LAMC3: variants seen among roughly 807,000 people sequenced by gnomAD.
The protein encoded by LAMC3 is laminin subunit gamma 3.
Under a neutral mutation model 173.8 loss-of-function variants are expected in LAMC3, and 128 were observed. The observed-to-expected ratio is 0.74, with a 90% confidence interval of 0.64 to 0.85. The LOEUF (loss-of-function observed/expected upper bound fraction) is 0.85. Among genes scored for constraint, LAMC3 ranks in the 40% least tolerant of loss-of-function variants. The pLI is 0.00. For synonymous variants in LAMC3, 897 were observed against 909.1 expected, an observed-to-expected ratio of 0.99 and a Z score of 0.24; for missense variants, 2,022 against 2,156.0, an observed-to-expected ratio of 0.94 and a Z score of 1.23.
At position 131,067,118 on chromosome 9, in the gene LAMC3, C is replaced by A; in HGVS notation, c.2506C>A (p.His836Asn). 6.2e-7 allele frequency: 1 copy of A among 1,614,194 alleles called. No individual in the cohort carries two copies. The highest frequency in any genetic ancestry group is 8.5e-7 in the Non-Finnish European group (1 of 1,180,032). ...GTCTGGCCACTGCCTGCGCTGCCTG[C>A]ACAACACCACGGGTGACCACTGTGA... ...PLSGHCLRCL[H>N]NTTGDHCEHC... Residue 836 changes from histidine to asparagine, a missense_variant, in exon 14 of 28, where the codon CAC (histidine) becomes AAC (asparagine). By Grantham distance (68) the His-to-Asn change is moderately conservative. Transcript: ENST00000361069.
intron 8 of LAMC3, among the ~76,000 whole-genome samples, chr9:131,047,559 A>G (rs1012145679): frequency 6.8e-6 from 1 of 147,494 alleles, no homozygotes; most frequent in African/African-American, 2.5e-5. Flanking sequence ...TGTCTTAGAA[A>G]TGGAAACTGT....
In LAMC3 at chr9:131,067,223, G is replaced by C. The variant is rs564496565; in HGVS notation, c.2593+18G>C. 29 of 1,612,390 alleles carry C rather than the reference G, an allele frequency of 1.8e-5. No individual in the cohort carries two copies. The African/African-American group carries it at 3.7e-4, about 21-fold the overall frequency. On this transcript the variant is annotated intron_variant, in intron 14 of 27. Coordinates refer to ENST00000361069, the MANE Select transcript of LAMC3 (RefSeq NM_006059.4). ...ATGCATGCGTGAGTACCTACCTCCA[G>C]ACCCCAGGGTGGCACATGGTGGGCC... is the stretch of plus-strand genomic sequence containing the variant.
rs776536505 is a variant in LAMC3 at position 131,061,234 on chromosome 9, C to A, written c.2347+11C>A. On this transcript the variant is annotated intron_variant, in intron 13 of 27. Transcript: ENST00000361069. Reference sequence around the variant, plus strand: ...CCCCGGGCCAGAGAGGTAAGTGACTCCTGCCCCGGAGCCCTGCCCCGCAGA... The same window carrying A: ...CCCCGGGCCAGAGAGGTAAGTGACTACTGCCCCGGAGCCCTGCCCCGCAGA... 6.3e-7 allele frequency: 1 copy of A among 1,599,340 alleles called. No individual in the cohort carries two copies. Among genetic ancestry groups the A allele is most frequent in the Non-Finnish European group, 8.5e-7 (1 of 1,176,410 alleles).
In LAMC3 at chr9:131,087,594, G is replaced by A. The variant is rs201826478; in HGVS notation, c.4349G>A (p.Arg1450His). Residue 1450 changes from arginine to histidine, a missense_variant, in exon 26 of 28, where the codon CGC (arginine) becomes CAC (histidine). Coordinates refer to ENST00000361069, the MANE Select transcript of LAMC3 (RefSeq NM_006059.4). Reference sequence around the variant, plus strand: ...CAGCAGGTGCTGGCGTCTGAAGCACGCAGACAGGAGCTGGAGGAAGCTGAG... The same window carrying A: ...CAGCAGGTGCTGGCGTCTGAAGCACACAGACAGGAGCTGGAGGAAGCTGAG... ...ASQQVLASEA[R>H]RQELEEAERV... The A allele has an allele frequency of 6.2e-5, 100 of 1,613,862 alleles. No homozygotes were observed. The highest frequency in any genetic ancestry group is 7.8e-5 in the Non-Finnish European group (92 of 1,180,028).
rs76399540 is a variant in LAMC3 at position 131,072,396 on chromosome 9, C to T, written c.3212-234C>T. On this transcript the variant is annotated intron_variant, in intron 18 of 27. Transcript: ENST00000361069. ...GGCTCCAGAAGGCCTGGGTCTCTCC[C>T]GGTCCCTGTGTATGACTGACTTGCT... is the stretch of plus-strand genomic sequence containing the variant. Among the ~76,000 whole-genome samples the T allele has an allele frequency of 4.8e-3, 732 of 152,264 alleles. 3 individuals are homozygous for T. The highest frequency in any genetic ancestry group is 8.9e-3 in the Non-Finnish European group (605 of 68,028).
chr9:131,033,363 C>A (rs1450082590), intron 3 of LAMC3, among the ~76,000 whole-genome samples: 2 of 152,190 alleles, frequency 1.3e-5, no homozygotes, highest in Non-Finnish European at 2.9e-5. Flanking sequence ...AACACATCAG[C>A]CCGCTCCAGG....
Position 131,009,254 on chromosome 9 carries a change from G to A in LAMC3, c.40G>A (p.Ala14Thr), listed in dbSNP as rs1173077356. 7.7e-7 allele frequency: 1 copy of A among 1,294,770 alleles called. No homozygotes were observed. The highest frequency in any genetic ancestry group is 9.7e-7 in the Non-Finnish European group (1 of 1,026,430). 80.2% of individuals were successfully genotyped at this position (1,294,770 alleles called of 1,614,324 possible). The stretch of plus-strand genomic sequence containing the variant: ...GCTTCTGCTGGGGCTGGCGCTGCTG[G>A]CACCGCGGGCGGCCGGCGCGGGCAT... ...AALLLGLALL[A>T]PRAAGAGMGA... is the part of the protein sequence containing the mutation. The change falls in exon 1 of 28, where the codon GCA becomes ACA. Residue 14 changes from alanine to threonine, a missense_variant. Ala to Thr is a moderately conservative substitution (Grantham distance 58, BLOSUM62 0). Coordinates refer to ENST00000361069, the MANE Select transcript of LAMC3 (RefSeq NM_006059.4). The surrounding 1 kb of genome is among the most constrained non-coding windows in gnomAD (Gnocchi z 4.3).
intron 25 of LAMC3, 106 bp downstream of exon 25, chr9:131,085,829 C>T: frequency 9.2e-7 from 1 of 1,086,572 alleles, no homozygotes; most frequent in South Asian, 1.3e-5. Flanking sequence ...CACTCACTCA[C>T]TGCTCAGTGG....
intron 1 of LAMC3, chr9:131,021,235 G>C (rs1030136741): frequency 1.3e-5 from 2 of 152,202 alleles, no homozygotes; most frequent in Non-Finnish European, 2.9e-5. Context: ...AAAGCACAGG[G>C]ACGCTGTTTT....
chr9:131,045,489 G>T (rs1383076550), intron 7 of LAMC3, 35 bp from the exon 8 acceptor site: 2 of 1,612,080 alleles, frequency 1.2e-6, no homozygotes, highest in Admixed American at 1.7e-5. Context: ...GCTGATTCAC[G>T]TGGCCCTCGT....
At chr9:131,086,747 G>A (rs539413913) in intron 25 of LAMC3, among the ~76,000 whole-genome samples, 26 of 151,680 alleles carry the variant, frequency 1.7e-4, no homozygotes, top group Admixed American at 1.1e-3. Flanking sequence ...AAAATTAGCC[G>A]GGCATGGTGG....
chr9:131,025,060 CCTT>C (rs1299545680), intron 1 of LAMC3, among the ~76,000 whole-genome samples: 1 of 152,074 alleles, frequency 6.6e-6, no homozygotes, highest in Non-Finnish European at 1.5e-5. Flanking sequence ...GGCTGTACTT[CCTT>C]CTTATTATTG....
At chr9:131,079,421 G>A (rs374442868) in intron 23 of LAMC3, 123 bp downstream of exon 23, 2 of 1,202,480 alleles carry the variant, frequency 1.7e-6, no homozygotes. Flanking sequence ...CCGGCCGGGT[G>A]TAGTGGCTCA....
At chr9:131,078,494 CA>C (rs111931431) in intron 22 of LAMC3, among the ~76,000 whole-genome samples, 21,275 of 151,992 alleles carry the variant, frequency 0.14, 1,628 homozygotes, top group South Asian at 0.2. Flanking sequence ...CAAAACAAAA[CA>C]AAACAAAACA....
At chr9:131,039,294 C>T (rs1279054261) in intron 6 of LAMC3, 46 bp downstream of exon 6, 1 of 1,500,256 alleles carries the variant, frequency 6.7e-7, no homozygotes, top group Non-Finnish European at 9.2e-7. Flanking sequence ...CACTGAATGA[C>T]AAGAAGCAGG....
intron 21 of LAMC3, among the ~76,000 whole-genome samples, chr9:131,076,723 C>A (rs1056641894): frequency 3.9e-5 from 6 of 152,046 alleles, no homozygotes; most frequent in Non-Finnish European, 7.4e-5. Context: ...CCTGTCAGGG[C>A]AAAAGGGCCC....
chr9:131,021,269 C>T lies in LAMC3; in HGVS notation c.374-5016C>T, dbSNP rs980305699. 7.2e-5 allele frequency: 11 copies of T among 152,178 alleles called. 1 individual carries two copies. Among genetic ancestry groups the T allele is most frequent in the African/African-American group, 2.7e-4 (11 of 41,438 alleles). 9.4% of individuals were successfully genotyped at this position (152,178 alleles called of 1,614,324 possible). A position where few individuals can be genotyped will look rare whatever the true frequency, so the allele number is the denominator to read the frequency against. Reference sequence around the variant, plus strand: ...TTTGCATCTGTAGTGGAAACCTTAGCAGACAGTAACTGCTCTGGGGCTGTC... The same window carrying T: ...TTTGCATCTGTAGTGGAAACCTTAGTAGACAGTAACTGCTCTGGGGCTGTC... On this transcript the variant is annotated intron_variant, in intron 1 of 27. Coordinates refer to ENST00000361069, the MANE Select transcript of LAMC3 (RefSeq NM_006059.4).
At position 131,009,587 on chromosome 9, in the gene LAMC3, G is replaced by C; in HGVS notation, c.373G>C (p.Gly125Arg). The stretch of plus-strand genomic sequence containing the variant: ...CTCGGTCAACATCACCCTCCGCCTA[G>C]GTAAGCGCGGGCTGGGGGCACCGCC... ...PTSVNITLRL[G>R]KAYEITYVRL... Residue 125 changes from glycine (G) to arginine (R), a missense_variant and splice_region_variant, in exon 1 of 28, where the codon GGG (glycine) becomes CGG (arginine). By Grantham distance (125) the Gly-to-Arg change is moderately radical. Coordinates refer to ENST00000361069, the MANE Select transcript of LAMC3 (RefSeq NM_006059.4). This position sits in a 1 kb window ranked among gnomAD's most constrained non-coding sequence, Gnocchi z 4.3. 1 of 1,569,070 alleles carries C rather than the reference G, an allele frequency of 6.4e-7. No homozygotes were observed. Among genetic ancestry groups the C allele is most frequent in the East Asian group, 2.4e-5 (1 of 42,220 alleles).
In LAMC3 at chr9:131,026,184, AT is replaced by A; in HGVS notation, c.374-100del. 6.4e-7 allele frequency: 1 copy of A among 1,565,460 alleles called. No homozygotes were observed. The highest frequency in any genetic ancestry group is 1.2e-5 in the South Asian group (1 of 84,960). The stretch of plus-strand genomic sequence containing the variant: ...AGCTCCAGACAGCTTCCAGCGATCC[AT>A]CCACGCTAGTGCCTGCAATGCAGCC... On this transcript the variant is annotated intron_variant, in intron 1 of 27. Coordinates refer to ENST00000361069, the MANE Select transcript of LAMC3 (RefSeq NM_006059.4). This position sits in a 1 kb window ranked among gnomAD's most constrained non-coding sequence, Gnocchi z 4.8.
Sources: gnomAD v4.1 joint callset for allele counts (sites outside exome capture counted in the v4.1 genomes callset) on GRCh38, gnomAD v4.1.1 for gene constraint, Gnocchi (gnomAD v3.1) non-coding constraint, MANE v1.5 for transcripts, NCBI Gene and HGNC (gene_info 2026-07-23, HGNC 2026-07-21) for gene names.